MEI4: variants seen among roughly 807,000 people sequenced by gnomAD.
MEI4 encodes meiotic double-stranded break formation protein 4, also known as meiosis-specific protein MEI4.
Under a neutral mutation model 31.4 loss-of-function variants are expected in MEI4, and 27 were observed. The observed-to-expected ratio is 0.86, with a 90% CI of 0.63 to 1.19. The LOEUF is 1.19. Among genes scored for constraint, MEI4 ranks in the 50% most tolerant of loss-of-function variants. The pLI is 0.00. For synonymous variants in MEI4, 122 were observed against 145.4 expected (o/e 0.84, Z 1.16); for missense variants, 329 against 398.9 (o/e 0.82, Z 1.49).
At chr6:77,885,395 T>A (rs1246944766) in intron 4 of MEI4, among the ~76,000 whole-genome samples, 1 of 152,108 alleles carries the variant, frequency 6.6e-6, no homozygotes, top group Non-Finnish European at 1.5e-5. Flanking sequence ...TTTTGCCATG[T>A]TGCCCAGGCT....
intron 2 of MEI4, among the ~76,000 whole-genome samples, chr6:77,734,562 G>T (rs1215733306): frequency 6.6e-6 from 1 of 152,004 alleles, no homozygotes; most frequent in Non-Finnish European, 1.5e-5. Context: ...CCTGAATACA[G>T]CACACTGATG....
intron 3 of MEI4, among the ~76,000 whole-genome samples, chr6:77,776,072 A>G (rs1484560827): frequency 6.7e-6 from 1 of 149,438 alleles, no homozygotes; most frequent in Non-Finnish European, 1.5e-5. Flanking sequence ...TTCATTGTAG[A>G]TTCTGGCTAT....
intron 2 of MEI4, among the ~76,000 whole-genome samples, chr6:77,760,065 T>C (rs749527394): frequency 1.7e-4 from 26 of 152,262 alleles, no homozygotes; most frequent in African/African-American, 2.4e-5. Flanking sequence ...TGATGGCATG[T>C]CTGTCAAAGA....
intron 2 of MEI4, among the ~76,000 whole-genome samples, chr6:77,732,428 TTGTC>T: frequency 6.6e-6 from 1 of 152,200 alleles, no homozygotes; most frequent in African/African-American, 2.4e-5. Context: ...GGCTCTATGT[TTGTC>T]TGTTCTTGGT....
chr6:77,905,583 G>T (rs532289167), intron 4 of MEI4, among the ~76,000 whole-genome samples: 1 of 136,578 alleles, frequency 7.3e-6, no homozygotes, highest in African/African-American at 2.7e-5. Flanking sequence ...TGCAACCTCC[G>T]CCTCCCAGGT....
At chr6:77,661,390 G>C (rs1368489043) in intron 1 of MEI4, among the ~76,000 whole-genome samples, 1 of 152,128 alleles carries the variant, frequency 6.6e-6, no homozygotes, top group African/African-American at 2.4e-5. Flanking sequence ...GGGAAGAAAC[G>C]ACCGCGGTGG....
chr6:77,746,268 A>G (rs906258197), intron 2 of MEI4, among the ~76,000 whole-genome samples: 2 of 152,192 alleles, frequency 1.3e-5, no homozygotes, highest in Non-Finnish European at 2.9e-5. Flanking sequence ...AAATAGACAC[A>G]TTCTGTGTGT....
In MEI4 at chr6:77,798,494, C is replaced by G. The variant is rs185828490; in HGVS notation, c.769-30437C>G. ...CACTTTATTTATTTATTTATTTTTT[C>G]TTTTATTATTATTATACTTTAAGTT... is the stretch of plus-strand genomic sequence containing the variant. On this transcript the variant is annotated intron_variant, in intron 3 of 4. Transcript: ENST00000684080. Among the ~76,000 whole-genome samples the G allele has an allele frequency of 4.2e-3, 630 of 148,908 alleles. 5 individuals are homozygous for G. Among genetic ancestry groups the G allele is most frequent in the African/African-American group, 0.014 (577 of 40,674 alleles).
At chr6:77,814,507 A>G (rs188724664) in intron 3 of MEI4, among the ~76,000 whole-genome samples, 6 of 152,258 alleles carry the variant, frequency 3.9e-5, no homozygotes, top group Non-Finnish European at 7.4e-5. Context: ...AATCCTGTCT[A>G]TGTAAACACT....
chr6:77,849,311 C>T (rs1034917982), intron 4 of MEI4, among the ~76,000 whole-genome samples: 2 of 152,068 alleles, frequency 1.3e-5, no homozygotes, highest in Non-Finnish European at 2.9e-5. Flanking sequence ...CATTCCCTGA[C>T]AACCTCACAG....
intron 4 of MEI4, among the ~76,000 whole-genome samples, chr6:77,849,341 T>C (rs1455451391): frequency 6.6e-6 from 1 of 152,102 alleles, no homozygotes; most frequent in Non-Finnish European, 1.5e-5. Flanking sequence ...GATTTAAGCC[T>C]CATAGGAGTG....
chr6:77,817,000 A>G (rs1769704159), intron 3 of MEI4, among the ~76,000 whole-genome samples: 1 of 151,746 alleles, frequency 6.6e-6, no homozygotes, highest in African/African-American at 2.4e-5. Context: ...TCATTGTTGG[A>G]TGACACTATT....
intron 4 of MEI4, among the ~76,000 whole-genome samples, chr6:77,850,247 G>A (rs1451602470): frequency 6.6e-6 from 1 of 152,030 alleles, no homozygotes; most frequent in African/African-American, 2.4e-5. Context: ...TCCCCAACAA[G>A]CTACCAATGA....
At chr6:77,719,329 T>A (rs932308083) in intron 2 of MEI4, among the ~76,000 whole-genome samples, 6 of 136,960 alleles carry the variant, frequency 4.4e-5, no homozygotes, top group African/African-American at 1.7e-4. Context: ...AAGAAAAGTC[T>A]TGTAAATAAT....
chr6:77,732,820 C>G lies in MEI4; in HGVS notation c.233-28310C>G, dbSNP rs889321256. Among the ~76,000 whole-genome samples, 219 of 152,084 alleles carry G rather than the reference C, an allele frequency of 1.4e-3. 2 individuals are homozygous for G. The highest frequency in any genetic ancestry group is 4.5e-3 in the African/African-American group (186 of 41,442). ...ACGTCCCATCAATACCTAATTTATT[C>G]AGAGTTTTTAGCATGAAGAGTTGTT... On this transcript the variant is annotated intron_variant, in intron 2 of 4. Coordinates refer to ENST00000684080, the MANE Select transcript of MEI4 (RefSeq NM_001322247.2).
chr6:77,699,050 T>A (rs996099542), intron 2 of MEI4, among the ~76,000 whole-genome samples: 1 of 152,120 alleles, frequency 6.6e-6, no homozygotes, highest in Non-Finnish European at 1.5e-5. Context: ...TTTCTTCCAG[T>A]TGATCGCATC....
intron 1 of MEI4, among the ~76,000 whole-genome samples, chr6:77,657,856 T>C (rs1270859122): frequency 6.6e-6 from 1 of 152,244 alleles, no homozygotes; most frequent in Middle Eastern, 3.2e-3. Flanking sequence ...AGTTCCCATC[T>C]TCAAACATTC....
intron 2 of MEI4, among the ~76,000 whole-genome samples, chr6:77,711,370 AAC>A (rs970344901): frequency 2.0e-5 from 3 of 152,140 alleles, no homozygotes; most frequent in Admixed American, 6.6e-5. Flanking sequence ...ATGTATATAT[AAC>A]ACAACATTAC....
At chr6:77,846,753 G>T (rs1322255645) in intron 4 of MEI4, among the ~76,000 whole-genome samples, 1 of 152,150 alleles carries the variant, frequency 6.6e-6, no homozygotes, top group East Asian at 1.9e-4. Context: ...ATGGAATTCT[G>T]TACCGTTAAC....
Sources: allele counts gnomAD v4.1 joint callset (sites outside exome capture counted in the v4.1 genomes callset), GRCh38; gene constraint gnomAD v4.1.1; transcripts MANE v1.5; gene names NCBI Gene and HGNC (gene_info 2026-07-23, HGNC 2026-07-21).